PTPRG: variants seen among roughly 807,000 people sequenced by gnomAD.
The protein encoded by PTPRG is receptor-type tyrosine-protein phosphatase gamma.
Under a neutral mutation model 165.3 loss-of-function variants are expected in PTPRG, and 102 were observed. The ratio of observed to expected loss-of-function variants is 0.62; its 90% CI spans 0.53 to 0.73. The LOEUF is 0.73. Among genes scored for constraint, PTPRG ranks in the 30% least tolerant of loss-of-function variants. The pLI is 0.00. For missense variants in PTPRG, 1,866 were observed against 1,861.4 expected (o/e 1.00, Z -0.05); for synonymous variants, 675 against 669.5 (o/e 1.01, Z -0.13).
intron 4 of PTPRG, among the ~76,000 whole-genome samples, chr3:62,020,216 AT>A (rs1240934624): frequency 1.3e-5 from 2 of 152,064 alleles, no homozygotes; most frequent in Non-Finnish European, 2.9e-5. Flanking sequence ...TATTTTCTGT[AT>A]TTTCTAATAT....
chr3:61,617,222 C>T (rs1250818207), intron 1 of PTPRG, among the ~76,000 whole-genome samples: 1 of 152,218 alleles, frequency 6.6e-6, no homozygotes, highest in Non-Finnish European at 1.5e-5. Context: ...GACCCGGATA[C>T]AGACAGGGCC....
In PTPRG at chr3:62,229,209, G is replaced by A. The variant is rs1206820774; in HGVS notation, c.2289-2016G>A. 1.3e-5 allele frequency among the ~76,000 whole-genome samples: 2 copies of A among 152,076 alleles called. No homozygotes were observed. Among genetic ancestry groups the A allele is most frequent in the Non-Finnish European group, 2.9e-5 (2 of 68,012 alleles). Reference sequence around the variant, plus strand: ...AGATGGGGGTAGGGAGTCTTTTGAGGTCCCCAAACTGTTCCTGGAGGTGGT... The same window carrying A: ...AGATGGGGGTAGGGAGTCTTTTGAGATCCCCAAACTGTTCCTGGAGGTGGT... On this transcript the variant is annotated intron_variant, in intron 13 of 29. Coordinates refer to ENST00000474889, the MANE Select transcript of PTPRG (RefSeq NM_002841.4). The surrounding 1 kb of genome is among the most constrained non-coding windows in gnomAD (Gnocchi z 4.6).
At chr3:61,853,647 G>A (rs2037026019) in intron 2 of PTPRG, among the ~76,000 whole-genome samples, 1 of 152,218 alleles carries the variant, frequency 6.6e-6, no homozygotes, top group Non-Finnish European at 1.5e-5. Flanking sequence ...GACCTATAGA[G>A]ATGGTGACAG....
At chr3:61,940,546 G>T (rs898112017) in intron 2 of PTPRG, among the ~76,000 whole-genome samples, 4 of 152,084 alleles carry the variant, frequency 2.6e-5, no homozygotes, top group Admixed American at 2.0e-4. Flanking sequence ...TGTGCTCTGT[G>T]TGTCTTGTGA....
At chr3:61,647,338 T>C (rs1031652607) in intron 1 of PTPRG, among the ~76,000 whole-genome samples, 3 of 152,200 alleles carry the variant, frequency 2.0e-5, no homozygotes, top group Admixed American at 6.5e-5. Context: ...GATATTATAC[T>C]AAGCACCATA....
intron 1 of PTPRG, among the ~76,000 whole-genome samples, chr3:61,588,271 A>G (rs757709537): frequency 1.3e-5 from 2 of 152,178 alleles, no homozygotes; most frequent in African/African-American, 2.4e-5. Context: ...GCAGGGAGAA[A>G]GTTTTGAACA....
At chr3:62,166,055 C>A (rs142788907) in intron 7 of PTPRG, among the ~76,000 whole-genome samples, 1 of 152,050 alleles carries the variant, frequency 6.6e-6, no homozygotes, top group Non-Finnish European at 1.5e-5. Flanking sequence ...TAGCACCATT[C>A]GACCATTTCT....
At chr3:62,102,963 TC>T (rs1043914140) in intron 5 of PTPRG, among the ~76,000 whole-genome samples, 1 of 152,210 alleles carries the variant, frequency 6.6e-6, no homozygotes, top group African/African-American at 2.4e-5. Context: ...TAGTGCATTT[TC>T]CCCCACTGGT....
intron 4 of PTPRG, among the ~76,000 whole-genome samples, chr3:62,070,506 C>T (rs1423680534): frequency 6.6e-6 from 1 of 152,204 alleles, no homozygotes; most frequent in Non-Finnish European, 1.5e-5. Context: ...CAATGGGCAG[C>T]ACTGTGCTAG....
intron 1 of PTPRG, among the ~76,000 whole-genome samples, chr3:61,606,531 G>T (rs1378449917): frequency 6.6e-6 from 1 of 152,216 alleles, no homozygotes; most frequent in East Asian, 1.9e-4. Flanking sequence ...AAGGAGAGAA[G>T]TTCTTCTGGT....
At chr3:61,893,380 A>G (rs776888812) in intron 2 of PTPRG, among the ~76,000 whole-genome samples, 13 of 152,216 alleles carry the variant, frequency 8.5e-5, no homozygotes, top group Non-Finnish European at 1.8e-4. Context: ...CTTAATTCTC[A>G]TAAGAACCCC....
At chr3:61,919,038 T>G (rs1195304285) in intron 2 of PTPRG, among the ~76,000 whole-genome samples, 1 of 152,180 alleles carries the variant, frequency 6.6e-6, no homozygotes, top group African/African-American at 2.4e-5. Flanking sequence ...GAGAGTTGGT[T>G]TTGCACTTGG....
intron 2 of PTPRG, among the ~76,000 whole-genome samples, chr3:61,988,628 T>C (rs1282692634): frequency 6.6e-6 from 1 of 152,188 alleles, no homozygotes; most frequent in Non-Finnish European, 1.5e-5. Context: ...GCTTTCTCAT[T>C]GGGAAGCCTG....
intron 2 of PTPRG, among the ~76,000 whole-genome samples, chr3:61,773,786 T>A (rs1245282869): frequency 6.6e-6 from 1 of 151,882 alleles, no homozygotes; most frequent in Non-Finnish European, 1.5e-5. Context: ...TGACTTTTTT[T>A]TTTTTTGAGA....
chr3:62,261,336 G>GT (rs1254004173), intron 16 of PTPRG, among the ~76,000 whole-genome samples: 3 of 152,174 alleles, frequency 2.0e-5, no homozygotes, highest in Admixed American at 1.3e-4. Flanking sequence ...AGTTTCAAAA[G>GT]GCAGGTCCCA....
intron 4 of PTPRG, among the ~76,000 whole-genome samples, chr3:62,057,182 G>A (rs1700661375): frequency 6.6e-6 from 1 of 152,198 alleles, no homozygotes; most frequent in African/African-American, 2.4e-5. Context: ...CCTTACCTGA[G>A]AAGGAAAGGC....
At chr3:61,582,719 G>A (rs1261559414) in intron 1 of PTPRG, among the ~76,000 whole-genome samples, 1 of 152,164 alleles carries the variant, frequency 6.6e-6, no homozygotes, top group Non-Finnish European at 1.5e-5. Context: ...TGTCCAGTGG[G>A]ACGTTATGAT....
At chr3:61,749,028 C>A in intron 2 of PTPRG, 46 bp downstream of exon 2, 1 of 1,435,238 alleles carries the variant, frequency 7.0e-7, no homozygotes, top group Non-Finnish European at 9.8e-7. Context: ...CAGTTAACAT[C>A]CCATTCAACT....
chr3:61,804,473 G>A (rs935636143), intron 2 of PTPRG, among the ~76,000 whole-genome samples: 7 of 152,090 alleles, frequency 4.6e-5, no homozygotes, highest in African/African-American at 1.2e-4. Context: ...AAATGGAACC[G>A]GAACCTTCTT....
Sources: gnomAD v4.1 joint callset for allele counts (sites outside exome capture counted in the v4.1 genomes callset) on GRCh38, gnomAD v4.1.1 for gene constraint, Gnocchi (gnomAD v3.1) non-coding constraint, MANE v1.5 for transcripts, NCBI Gene and HGNC (gene_info 2026-07-23, HGNC 2026-07-21) for gene names.